EPB41L3: variants seen among roughly 807,000 people sequenced by gnomAD.
The protein encoded by EPB41L3 is erythrocyte membrane protein band 4.1 like 3.
A neutral mutation model predicts 127.1 loss-of-function variants in EPB41L3; 57 were observed. The ratio of observed to expected loss-of-function variants is 0.45; its 90% confidence interval spans 0.36 to 0.56. The LOEUF is 0.56. EPB41L3 is among the 20% of genes least tolerant of loss of function. The pLI, the probability that EPB41L3 is intolerant of heterozygous loss-of-function variation, is 0.00. For missense variants in EPB41L3, 1,273 were observed against 1,372.2 expected, an observed-to-expected ratio of 0.93 and a Z score of 1.14; for synonymous variants, 572 against 549.5, an observed-to-expected ratio of 1.04 and a Z score of -0.57.
intron 3 of EPB41L3, among the ~76,000 whole-genome samples, chr18:5,449,407 CAA>C (rs1451877762): frequency 1.3e-5 from 2 of 152,206 alleles, no homozygotes; most frequent in Admixed American, 1.3e-4. Flanking sequence ...TAGAGCCACT[CAA>C]GACAGTTTGG....
In EPB41L3 at chr18:5,543,807, G is replaced by C. The variant is rs1177333425; in HGVS notation, c.-12+106C>G. The C allele has an allele frequency of 1.1e-6, 1 of 885,508 alleles. No homozygotes were observed. Among genetic ancestry groups the C allele is most frequent in the Non-Finnish European group, 1.4e-6 (1 of 739,256 alleles). The allele number at this position is 885,508 out of a possible 1,614,324, so 54.9% of individuals were successfully genotyped here. On this transcript the variant is annotated intron_variant, in intron 1 of 22. Transcript: ENST00000341928. The surrounding 1 kb of genome is among the most constrained non-coding windows in gnomAD (Gnocchi z 5.2). The stretch of plus-strand genomic sequence containing the variant: ...CGCGCGGCGCCGAAGCCACGCGTCA[G>C]CCCCACTGTCCCGCGCGCCTCGCCC...
intron 3 of EPB41L3, among the ~76,000 whole-genome samples, chr18:5,568,263 T>C (rs1407548769): frequency 6.6e-6 from 1 of 151,892 alleles, no homozygotes; most frequent in African/African-American, 2.4e-5. Flanking sequence ...ATTTTAGGTG[T>C]GAACTTAAAA....
At chr18:5,556,041 C>T (rs1011024074) in intron 3 of EPB41L3, among the ~76,000 whole-genome samples, 7 of 152,178 alleles carry the variant, frequency 4.6e-5, no homozygotes, top group African/African-American at 1.7e-4. Flanking sequence ...ATGCAAGTCC[C>T]AATAGGGAAC....
intron 1 of EPB41L3, among the ~76,000 whole-genome samples, chr18:5,532,350 A>G (rs1444504299): frequency 6.6e-6 from 1 of 152,248 alleles, no homozygotes; most frequent in African/African-American, 2.4e-5. Context: ...CCAGGTTCAT[A>G]ACAAGCATTC....
intron 3 of EPB41L3, among the ~76,000 whole-genome samples, chr18:5,554,400 G>C (rs2094005587): frequency 6.6e-6 from 1 of 152,204 alleles, no homozygotes; most frequent in African/African-American, 2.4e-5. Flanking sequence ...AAGGATACAA[G>C]TATAAAATTG....
chr18:5,482,785 T>G (rs1203070000), intron 2 of EPB41L3, among the ~76,000 whole-genome samples: 1 of 151,712 alleles, frequency 6.6e-6, no homozygotes, highest in Non-Finnish European at 1.5e-5. Context: ...AAAGGAGAGA[T>G]CAAATCTTTC....
At chr18:5,536,216 GAGATATACAT>G (rs1408194219) in intron 1 of EPB41L3, among the ~76,000 whole-genome samples, 2 of 151,926 alleles carry the variant, frequency 1.3e-5, no homozygotes, top group Admixed American at 1.3e-4. Context: ...ACACAACATT[GAGATATACAT>G]AATAATCATC....
At chr18:5,541,186 G>C (rs1210941101) in intron 1 of EPB41L3, among the ~76,000 whole-genome samples, 2 of 144,834 alleles carry the variant, frequency 1.4e-5, no homozygotes, top group African/African-American at 5.2e-5. Flanking sequence ...CCAGGAGTCG[G>C]AGGTTGCAGT....
intron 1 of EPB41L3, among the ~76,000 whole-genome samples, chr18:5,620,261 A>G (rs1018600075): frequency 6.6e-6 from 1 of 152,216 alleles, no homozygotes; most frequent in Non-Finnish European, 1.5e-5. Context: ...TGAACCCACA[A>G]TCTGGAAAAT....
intron 2 of EPB41L3, among the ~76,000 whole-genome samples, chr18:5,613,301 A>C (rs890146231): frequency 1.3e-5 from 2 of 152,224 alleles, no homozygotes; most frequent in Admixed American, 1.3e-4. Flanking sequence ...ATGCCCATAA[A>C]AGACCTTTGA....
intron 3 of EPB41L3, among the ~76,000 whole-genome samples, chr18:5,445,977 T>C (rs2081418056): frequency 6.6e-6 from 1 of 152,188 alleles, no homozygotes. Context: ...AACTGGTCCC[T>C]GGTGCCAAAA....
intron 3 of EPB41L3, among the ~76,000 whole-genome samples, chr18:5,475,584 T>A (rs979313110): frequency 5.3e-5 from 8 of 152,226 alleles, no homozygotes. Flanking sequence ...TGGTTCACGA[T>A]GAGTTTGTAA....
chr18:5,492,665 G>A (rs1009584854), intron 1 of EPB41L3, among the ~76,000 whole-genome samples: 11 of 152,156 alleles, frequency 7.2e-5, no homozygotes, highest in African/African-American at 2.7e-4. Flanking sequence ...CAGAAAGTGA[G>A]ACAAAATGTA....
Position 5,506,330 on chromosome 18 carries a change from C to T in EPB41L3, c.-11-17136G>A, listed in dbSNP as rs78861669. On this transcript the variant is annotated intron_variant, in intron 1 of 22. Transcript: ENST00000341928. The stretch of plus-strand genomic sequence containing the variant: ...CTGGATACGCTGGCCTGAAAGAGCG[C>T]TACTCCAACGCCCTCATCATCTACT... 5.4e-3 allele frequency among the ~76,000 whole-genome samples: 815 copies of T among 152,312 alleles called. 4 individuals carry two copies. Among genetic ancestry groups the T allele is most frequent in the African/African-American group, 0.017 (702 of 41,568 alleles).
At chr18:5,471,008 G>A (rs1184471404) in intron 3 of EPB41L3, among the ~76,000 whole-genome samples, 3 of 152,152 alleles carry the variant, frequency 2.0e-5, no homozygotes, top group African/African-American at 7.2e-5. Flanking sequence ...AGCTGACTGG[G>A]GGCCTGGACT....
At chr18:5,539,154 A>G (rs916888239) in intron 1 of EPB41L3, among the ~76,000 whole-genome samples, 1 of 152,056 alleles carries the variant, frequency 6.6e-6, no homozygotes, top group African/African-American at 2.4e-5. Flanking sequence ...ATCCTCATCA[A>G]GCACCCACCC....
intron 3 of EPB41L3, among the ~76,000 whole-genome samples, chr18:5,604,120 T>A (rs2094621769): frequency 6.6e-6 from 1 of 152,180 alleles, no homozygotes; most frequent in Admixed American, 6.6e-5. Context: ...AAGTTTGATG[T>A]AATGCATCTT....
At chr18:5,547,278 A>G (rs1054262287), upstream of EPB41L3, among the ~76,000 whole-genome samples, 3 of 152,200 alleles carry the variant, frequency 2.0e-5, no homozygotes, top group African/African-American at 2.4e-5. Context: ...ATTCTTGTCA[A>G]TGTAACCCCC....
rs559944203 is a variant in EPB41L3, at chr18:5,399,077, T to C, written c.2350-934A>G. 8 of 399,186 alleles carry C rather than the reference T, an allele frequency of 2.0e-5. No individual in the cohort carries two copies. The South Asian group carries it at 1.0e-3, about 51-fold the overall frequency. The allele number at this position is 399,186 out of a possible 1,614,324, so 24.7% of individuals were successfully genotyped here. On this transcript the variant is annotated intron_variant, in intron 16 of 22. Coordinates refer to ENST00000341928, the MANE Select transcript of EPB41L3 (RefSeq NM_012307.5). ...CTTTCTCCATTTTCTGAAGTGCTTC[T>C]GTAGTGGAGGGCTGCTCCACTTTCT... is the stretch of plus-strand genomic sequence containing the variant.
Sources: gnomAD v4.1 joint callset for allele counts (sites outside exome capture counted in the v4.1 genomes callset) on GRCh38, gnomAD v4.1.1 for gene constraint, Gnocchi (gnomAD v3.1) non-coding constraint, MANE v1.5 for transcripts, NCBI Gene and HGNC (gene_info 2026-07-23, HGNC 2026-07-21) for gene names.